The following JARID2 variants were observed in gnomAD, a reference collection of about 807,000 sequenced individuals.
The protein encoded by JARID2 is jumonji and AT-rich interaction domain containing 2.
A neutral mutation model predicts 125.6 loss-of-function variants in JARID2; 21 were observed. That is an observed-to-expected ratio of 0.17 (90% CI 0.12 to 0.24). The LOEUF is 0.24. Among genes scored for constraint, JARID2 ranks in the 10% least tolerant of loss-of-function variants. The pLI is 1.00. For synonymous variants in JARID2, 736 were observed against 661.6 expected, an observed-to-expected ratio of 1.11 and a Z score of -1.73; for missense variants, 1,303 against 1,639.6, an observed-to-expected ratio of 0.79 and a Z score of 3.55.
chr6:15,413,019 TTTTG>T (rs1350874362), intron 3 of JARID2, among the ~76,000 whole-genome samples: 3,771 of 87,164 alleles, frequency 0.043, 725 homozygotes, highest in African/African-American at 0.078. Context: ...TTTTTTTTTT[TTTTG>T]TTTTTTTTTT....
At chr6:15,329,826 T>G (rs1442930303) in intron 1 of JARID2, among the ~76,000 whole-genome samples, 1 of 152,218 alleles carries the variant, frequency 6.6e-6, no homozygotes, top group African/African-American at 2.4e-5. Flanking sequence ...GTCTATTTTT[T>G]GGGAGTGATC....
At chr6:15,513,187 T>C in intron 15 of JARID2, 52 bp from the exon 16 acceptor site, 1 of 1,560,532 alleles carries the variant, frequency 6.4e-7, no homozygotes, top group Non-Finnish European at 8.7e-7. Flanking sequence ...CCTCTGCTGG[T>C]GAGCATGGCA....
chr6:15,478,916 C>T (rs1455655239), intron 5 of JARID2, among the ~76,000 whole-genome samples: 1 of 152,152 alleles, frequency 6.6e-6, no homozygotes, highest in Non-Finnish European at 1.5e-5. Context: ...CCGCCTGCCT[C>T]GGCTTCCCAA....
chr6:15,295,749 T>G (rs6902997), intron 1 of JARID2, among the ~76,000 whole-genome samples: 8,911 of 152,228 alleles, frequency 0.059, 334 homozygotes, highest in South Asian at 0.11. Flanking sequence ...CTGCAACCTC[T>G]GCCTCCTGAG....
intron 4 of JARID2, among the ~76,000 whole-genome samples, chr6:15,454,959 A>G (rs140537081): frequency 6.6e-6 from 1 of 152,298 alleles, no homozygotes; most frequent in East Asian, 1.9e-4. Flanking sequence ...ATGATCAGGA[A>G]TGGAGAACGA....
At chr6:15,421,032 G>C (rs1157373604) in intron 3 of JARID2, among the ~76,000 whole-genome samples, 3 of 152,168 alleles carry the variant, frequency 2.0e-5, no homozygotes, top group Non-Finnish European at 4.4e-5. Context: ...TTCCATTGTT[G>C]TCTGTGTGGC....
chr6:15,283,571 C>T (rs956645669), intron 1 of JARID2, among the ~76,000 whole-genome samples: 31 of 150,672 alleles, frequency 2.1e-4, no homozygotes, highest in African/African-American at 5.4e-4. Context: ...CTCGATCTGC[C>T]GACCTTGTGC....
chr6:15,354,446 C>A (rs2127486133), intron 1 of JARID2, among the ~76,000 whole-genome samples: 1 of 152,316 alleles, frequency 6.6e-6, no homozygotes, highest in East Asian at 1.9e-4. Context: ...TTGTTAACAG[C>A]AGCAACAGGA....
Position 15,384,897 on chromosome 6 carries a change from A to G in JARID2, c.181+10645A>G, listed in dbSNP as rs370983869. On this transcript the variant is annotated intron_variant, in intron 2 of 17. Coordinates refer to ENST00000341776, the MANE Select transcript of JARID2 (RefSeq NM_004973.4). ...CTTAGTGAACCTGTTTGAAACTCACAGTACCTTTTGATTCTGAACTTGTAC... is the reference window on the plus strand; with the variant it reads ...CTTAGTGAACCTGTTTGAAACTCACGGTACCTTTTGATTCTGAACTTGTAC... Among the ~76,000 whole-genome samples, 30 of 152,284 alleles carry G rather than the reference A, an allele frequency of 2.0e-4. No homozygotes were observed. In the South Asian group the frequency reaches 6.2e-3, roughly 32 times the overall value.
intron 7 of JARID2, among the ~76,000 whole-genome samples, chr6:15,498,549 G>T (rs767213854): frequency 6.6e-6 from 1 of 152,202 alleles, no homozygotes; most frequent in Non-Finnish European, 1.5e-5. Flanking sequence ...AGACCCATGG[G>T]AGGAAACAGG....
intron 3 of JARID2, among the ~76,000 whole-genome samples, chr6:15,429,965 C>T (rs145432574): frequency 9.7e-4 from 147 of 152,262 alleles, no homozygotes; most frequent in African/African-American, 3.4e-3. Flanking sequence ...CCTCAGACGT[C>T]ATTATAATAT....
intron 1 of JARID2, among the ~76,000 whole-genome samples, chr6:15,362,208 T>G (rs184345769): frequency 3.9e-5 from 6 of 152,096 alleles, no homozygotes; most frequent in Admixed American, 3.9e-4. Context: ...GTCATTTAAT[T>G]TGTCGAAAAT....
At chr6:15,327,638 AG>A (rs1292748508) in intron 1 of JARID2, among the ~76,000 whole-genome samples, 1 of 151,976 alleles carries the variant, frequency 6.6e-6, no homozygotes, top group African/African-American at 2.4e-5. Flanking sequence ...AGAATGAGGG[AG>A]GGAGGTCATA....
At chr6:15,519,441 C>T (rs1019415124) in intron 17 of JARID2, among the ~76,000 whole-genome samples, 6 of 152,162 alleles carry the variant, frequency 3.9e-5, no homozygotes, top group Non-Finnish European at 2.9e-5. Context: ...GGCTGGCTTC[C>T]TCTCCTGCCA....
Position 15,500,892 on chromosome 6 carries a change from C to T in JARID2, c.1946-15C>T. The T allele has an allele frequency of 6.4e-7, 1 of 1,567,130 alleles. No homozygotes were observed. Among genetic ancestry groups the T allele is most frequent in the Admixed American group, 1.9e-5 (1 of 52,552 alleles). ...TTCACTAACTGTCCCGTTTTTTTCC[C>T]CTTCGCTGTCCCAGGGGGCTGTGAG... On this transcript the variant is annotated splice_polypyrimidine_tract_variant and intron_variant, in intron 7 of 17. Coordinates refer to ENST00000341776, the MANE Select transcript of JARID2 (RefSeq NM_004973.4).
intron 3 of JARID2, among the ~76,000 whole-genome samples, chr6:15,426,265 TC>T (rs1766722096): frequency 6.6e-6 from 1 of 152,186 alleles, no homozygotes; most frequent in African/African-American, 2.4e-5. Flanking sequence ...ACAGGCTGCT[TC>T]TAGAAGGCTT....
chr6:15,349,155 G>A (rs546434853), intron 1 of JARID2, among the ~76,000 whole-genome samples: 1 of 152,284 alleles, frequency 6.6e-6, no homozygotes, highest in South Asian at 2.1e-4. Flanking sequence ...CATCTATGAA[G>A]TCATAGCTCA....
intron 11 of JARID2, among the ~76,000 whole-genome samples, chr6:15,508,109 C>T (rs1046505617): frequency 6.6e-6 from 1 of 152,250 alleles, no homozygotes; most frequent in East Asian, 1.9e-4. Context: ...CGGCCACCTC[C>T]CTCATGAGGC....
chr6:15,470,792 T>G (rs1310774850), intron 5 of JARID2, among the ~76,000 whole-genome samples: 3 of 152,232 alleles, frequency 2.0e-5, no homozygotes, highest in Non-Finnish European at 2.9e-5. Flanking sequence ...ATGTAATTTC[T>G]AAGGAGGAAG....
Sources: gnomAD v4.1 joint callset for allele counts (sites outside exome capture counted in the v4.1 genomes callset) on GRCh38, gnomAD v4.1.1 for gene constraint, MANE v1.5 for transcripts, NCBI Gene and HGNC (gene_info 2026-07-23, HGNC 2026-07-21) for gene names.